Variants in PDE6A observed in about 807,000 individuals in gnomAD.
The protein encoded by PDE6A is phosphodiesterase 6A, also known as rod cGMP-specific 3',5'-cyclic phosphodiesterase subunit alpha.
PDE6A carries 84 observed loss-of-function variants against 106.3 expected under a neutral mutation model. The ratio of observed to expected loss-of-function variants is 0.79; its 90% CI spans 0.66 to 0.95. The LOEUF (loss-of-function observed/expected upper bound fraction) is 0.95, where lower values mean the gene tolerates loss of function less well. Ranked by LOEUF, PDE6A falls within the 40% of genes least tolerant of loss-of-function variation. PDE6A has a pLI of 0.00. For missense variants in PDE6A, 1,052 were observed against 1,084.9 expected (o/e 0.97, Z 0.43); for synonymous variants, 394 against 386.6 (o/e 1.02, Z -0.23).
chr5:149,942,808 T>G (rs571850426), intron 1 of PDE6A, among the ~76,000 whole-genome samples: 1 of 151,632 alleles, frequency 6.6e-6, no homozygotes, highest in African/African-American at 2.4e-5. Context: ...GGAGGCCAGG[T>G]TTATGTTTGA....
chr5:149,923,806 G>A (rs1753801605), intron 4 of PDE6A, among the ~76,000 whole-genome samples: 1 of 152,156 alleles, frequency 6.6e-6, no homozygotes, highest in African/African-American at 2.4e-5. Flanking sequence ...TGCCCTTTCT[G>A]TTCATTCATC....
chr5:149,883,002 A>G lies in PDE6A; in HGVS notation c.2135+427T>C, dbSNP rs534911469. ...GAACCTGGGAGGCGGAAGTTGCAGTAAGCCGAGATCGCACCACTACACTCC... is the reference window on the plus strand; with the variant it reads ...GAACCTGGGAGGCGGAAGTTGCAGTGAGCCGAGATCGCACCACTACACTCC... On this transcript the variant is annotated intron_variant, in intron 17 of 21. Coordinates refer to ENST00000255266, the MANE Select transcript of PDE6A (RefSeq NM_000440.3). Among the ~76,000 whole-genome samples the G allele has an allele frequency of 9.1e-4, 138 of 152,220 alleles. No homozygotes were observed. In the Middle Eastern group the frequency reaches 0.01, roughly 11 times the overall value.
rs370871460 is a variant in PDE6A at position 149,919,445 on chromosome 5, T to C, written c.933+2190A>G. 5.3e-5 allele frequency among the ~76,000 whole-genome samples: 8 copies of C among 152,174 alleles called. 2 individuals carry two copies. Among genetic ancestry groups the C allele is most frequent in the East Asian group, 1.9e-4 (1 of 5,182 alleles). ...ATTGCTTGAGCCCAGGAGGCGGAGG[T>C]TGCAGTGAGCTGAGATCATGCCACT... is the stretch of plus-strand genomic sequence containing the variant. On this transcript the variant is annotated intron_variant, in intron 5 of 21. Transcript: ENST00000255266.
chr5:149,889,682 G>A (rs1042180936), intron 13 of PDE6A, among the ~76,000 whole-genome samples: 9 of 152,016 alleles, frequency 5.9e-5, no homozygotes, highest in Non-Finnish European at 1.0e-4. Context: ...GAGGCAAGCG[G>A]ATAACTTGAG....
rs145349401 is a variant in PDE6A at position 149,880,226 on chromosome 5, T to G, written c.2135+3203A>C. ...ATAAAGCAGGGTTTTTTTGTTTGTT[T>G]GTTGGTTGGTTGCTTGATTTGTTTT... On this transcript the variant is annotated intron_variant, in intron 17 of 21. Transcript: ENST00000255266. 8.2e-3 allele frequency among the ~76,000 whole-genome samples: 1,252 copies of G among 152,308 alleles called. 8 individuals are homozygous for G. Among genetic ancestry groups the G allele is most frequent in the African/African-American group, 0.023 (955 of 41,566 alleles).
chr5:149,900,254 C>T (rs1183791031), intron 8 of PDE6A, among the ~76,000 whole-genome samples: 3 of 151,148 alleles, frequency 2.0e-5, no homozygotes, highest in African/African-American at 4.9e-5. Context: ...CCCAGCTACT[C>T]GGGAGGCTGA....
At chr5:149,932,124 C>T in intron 3 of PDE6A, 2 of 1,257,196 alleles carry the variant, frequency 1.6e-6, no homozygotes, top group Non-Finnish European at 2.3e-6. Context: ...TTGTAGACGT[C>T]TATTTAGTTT....
At chr5:149,917,350 C>T (rs1342093934) in intron 5 of PDE6A, among the ~76,000 whole-genome samples, 1 of 152,084 alleles carries the variant, frequency 6.6e-6, no homozygotes, top group African/African-American at 2.4e-5. Context: ...AGAAGTACCT[C>T]CCTAGAGATT....
At chr5:149,925,505 G>A (rs779940751) in intron 4 of PDE6A, among the ~76,000 whole-genome samples, 4 of 152,066 alleles carry the variant, frequency 2.6e-5, no homozygotes, top group African/African-American at 4.8e-5. Context: ...TCAGGAGTTC[G>A]AGACCAGCCT....
chr5:149,883,372 T>A, intron 17 of PDE6A, 57 bp downstream of exon 17: 1 of 1,142,814 alleles, frequency 8.8e-7, no homozygotes, highest in Non-Finnish European at 1.3e-6. Flanking sequence ...TGTCAGTGCA[T>A]CTCGCCTCAT....
intron 17 of PDE6A, among the ~76,000 whole-genome samples, chr5:149,872,443 G>C (rs1240527084): frequency 6.6e-6 from 1 of 151,954 alleles, no homozygotes; most frequent in African/African-American, 2.4e-5. Context: ...TCACGTTCTG[G>C]GTCACCCTCG....
chr5:149,900,438 A>T (rs1051392966), intron 8 of PDE6A, among the ~76,000 whole-genome samples: 2 of 141,344 alleles, frequency 1.4e-5, no homozygotes, highest in Non-Finnish European at 3.1e-5. Context: ...CAAGAAACTG[A>T]GCTAGAAACT....
rs1760117140 is a variant in PDE6A, at chr5:149,860,949, C to T, written c.2529G>A (p.Gly843=). ...AKSAAAGNQP[G]GNPSPGGATT... ...TTGCACCCCCTGGGCTGGGGTTTCC[C>T]CCCGGCTGATTTCCTGCGGCTGCTG... is the stretch of plus-strand genomic sequence containing the variant. The change falls in exon 22 of 22, where the codon GGG becomes GGA. Residue 843 remains glycine (G), a synonymous_variant. Coordinates refer to ENST00000255266, the MANE Select transcript of PDE6A (RefSeq NM_000440.3). 5 of 1,614,172 alleles carry T rather than the reference C, an allele frequency of 3.1e-6. No individual in the cohort carries two copies.
chr5:149,929,431 C>T (rs2113653813), intron 4 of PDE6A, among the ~76,000 whole-genome samples: 1 of 152,080 alleles, frequency 6.6e-6, no homozygotes, highest in East Asian at 1.9e-4. Context: ...ACAGTGAAAC[C>T]CCGTCTCTAC....
In PDE6A at chr5:149,898,223, C is replaced by T. The variant is rs1752831491; in HGVS notation, c.1407+140G>A. On this transcript the variant is annotated intron_variant, in intron 10 of 21. Coordinates refer to ENST00000255266, the MANE Select transcript of PDE6A (RefSeq NM_000440.3). ...TGTTGAGGGCTGCTGCATCCCTGTGCTAGGCAGGAAGGAACACAACAGTGC... is the reference window on the plus strand; with the variant it reads ...TGTTGAGGGCTGCTGCATCCCTGTGTTAGGCAGGAAGGAACACAACAGTGC... The T allele has an allele frequency of 9.8e-6, 7 of 715,970 alleles. No homozygotes were observed. The South Asian group carries it at 1.1e-4, about 11-fold the overall frequency. 44.4% of individuals were successfully genotyped at this position (715,970 alleles called of 1,614,324 possible).
chr5:149,941,050 G>A (rs1462432770), intron 1 of PDE6A, among the ~76,000 whole-genome samples: 4 of 152,224 alleles, frequency 2.6e-5, no homozygotes, highest in Admixed American at 2.6e-4. Flanking sequence ...GGTTTGGCCA[G>A]TGTAGGAGTG....
chr5:149,877,230 G>T (rs1760773861), intron 17 of PDE6A, among the ~76,000 whole-genome samples: 1 of 152,092 alleles, frequency 6.6e-6, no homozygotes, highest in South Asian at 2.1e-4. Flanking sequence ...TGGGGGTGGG[G>T]TTCAGGGGGA....
intron 20 of PDE6A, among the ~76,000 whole-genome samples, chr5:149,865,700 A>G (rs1367348218): frequency 6.6e-6 from 1 of 152,240 alleles, no homozygotes; most frequent in East Asian, 1.9e-4. Context: ...TCTCATGTGT[A>G]ACATGGCCAA....
At chr5:149,930,572 C>T (rs916435931) in intron 4 of PDE6A, among the ~76,000 whole-genome samples, 1 of 152,344 alleles carries the variant, frequency 6.6e-6, no homozygotes, top group South Asian at 2.1e-4. Context: ...AATCTGGCCC[C>T]TGAACATGTG....
Sources: allele counts gnomAD v4.1 joint callset (sites outside exome capture counted in the v4.1 genomes callset), GRCh38; gene constraint gnomAD v4.1.1; transcripts MANE v1.5; gene names NCBI Gene and HGNC (gene_info 2026-07-23, HGNC 2026-07-21).